Variants in SYT13 observed in about 807,000 individuals in gnomAD.
The protein encoded by SYT13 is synaptotagmin-13.
SYT13 carries 21 observed loss-of-function variants against 38.6 expected under a neutral mutation model. The observed-to-expected ratio is 0.54, with a 90% confidence interval of 0.39 to 0.78. The LOEUF is 0.78. Among genes scored for constraint, SYT13 ranks in the 30% least tolerant of loss-of-function variants. SYT13 has a pLI of 0.00. For synonymous variants in SYT13, 241 were observed against 237.6 expected (o/e 1.01, Z -0.13); for missense variants, 495 against 548.7 (o/e 0.90, Z 0.98).
chr11:45,274,733 T>C (rs1432909342), intron 1 of SYT13, among the ~76,000 whole-genome samples: 2 of 152,226 alleles, frequency 1.3e-5, no homozygotes, highest in African/African-American at 4.8e-5. Context: ...CACCATCTTT[T>C]CCAAAACATC....
chr11:45,279,851 G>A (rs986150079), intron 1 of SYT13, among the ~76,000 whole-genome samples: 1 of 152,080 alleles, frequency 6.6e-6, no homozygotes, highest in African/African-American at 2.4e-5. Context: ...CAGGAGTGGG[G>A]TTAGCAATTC....
chr11:45,247,623 C>T (rs995805814), intron 4 of SYT13, among the ~76,000 whole-genome samples: 2 of 152,224 alleles, frequency 1.3e-5, no homozygotes, highest in Non-Finnish European at 2.9e-5. Context: ...TCCTCCCCTT[C>T]TGTCACACCC....
chr11:45,265,001 G>A (rs957042906), intron 1 of SYT13, among the ~76,000 whole-genome samples: 2 of 152,172 alleles, frequency 1.3e-5, no homozygotes, highest in Admixed American at 6.5e-5. Flanking sequence ...ATTTATCCAA[G>A]AGAAAGGAAA....
chr11:45,247,109 G>A (rs552950524), intron 4 of SYT13, among the ~76,000 whole-genome samples: 3 of 152,338 alleles, frequency 2.0e-5, no homozygotes, highest in Admixed American at 6.5e-5. Context: ...TGAAGGAGGT[G>A]CTGATGCCCC....
chr11:45,261,786 G>A lies in SYT13; in HGVS notation c.184-5895C>T, dbSNP rs371902753. Among the ~76,000 whole-genome samples, 8 of 151,506 alleles carry A rather than the reference G, an allele frequency of 5.3e-5. No homozygotes were observed. In the South Asian group the frequency reaches 8.4e-4, roughly 16 times the overall value. On this transcript the variant is annotated intron_variant, in intron 1 of 5. Transcript: ENST00000020926. ...CAAAAATCAGCCCGGGCTTTGTGGTGCACACCTGTATCACAGCTACTTGGG... is the reference window on the plus strand; with the variant it reads ...CAAAAATCAGCCCGGGCTTTGTGGTACACACCTGTATCACAGCTACTTGGG...
intron 1 of SYT13, among the ~76,000 whole-genome samples, chr11:45,265,110 A>G (rs1056788819): frequency 6.6e-6 from 1 of 152,248 alleles, no homozygotes; most frequent in African/African-American, 2.4e-5. Context: ...CAACAGGACA[A>G]TGGAGAAGTC....
At chr11:45,282,256 C>T (rs769354937) in intron 1 of SYT13, among the ~76,000 whole-genome samples, 6 of 152,190 alleles carry the variant, frequency 3.9e-5, no homozygotes, top group East Asian at 3.9e-4. Context: ...CAGGAGTGGG[C>T]GGCGTAGTAA....
intron 1 of SYT13, among the ~76,000 whole-genome samples, chr11:45,272,385 T>A (rs1854960168): frequency 6.6e-6 from 1 of 152,218 alleles, no homozygotes; most frequent in African/African-American, 2.4e-5. Flanking sequence ...CCCCTGTGTG[T>A]CACTGGATGT....
chr11:45,244,252 T>C lies in SYT13; in HGVS notation c.1081A>G (p.Met361Val), dbSNP rs753032040. 5.0e-6 allele frequency: 8 copies of C among 1,613,910 alleles called. No individual in the cohort carries two copies. In the East Asian group the frequency reaches 1.1e-4, roughly 22 times the overall value. Residue 361 changes from methionine (M) to valine (V), a missense_variant, in exon 6 of 6, where the codon ATG becomes GTG. Transcript: ENST00000020926. ...AGCAGGTCGTCAGGCAGCTCAAACA[T>C]GATCATCTCGTTCCACACGGGGTTG... ...KINPVWNEMI[M>V]FELPDDLLQA...
In SYT13 at chr11:45,252,975, A is replaced by G. The variant is rs1219412051; in HGVS notation, c.545-253T>C. Among the ~76,000 whole-genome samples, 2 of 152,174 alleles carry G rather than the reference A, an allele frequency of 1.3e-5. No individual in the cohort carries two copies. The highest frequency in any genetic ancestry group is 2.9e-5 in the Non-Finnish European group (2 of 68,030). On this transcript the variant is annotated intron_variant, in intron 3 of 5. Transcript: ENST00000020926. This position sits in a 1 kb window ranked among gnomAD's most constrained non-coding sequence, Gnocchi z 4.3. The stretch of plus-strand genomic sequence containing the variant: ...AGGGACAAGACTTGGCATTTCCTGG[A>G]GCCCTCTGAACTCCGGATTCTGAAA...
In SYT13 at chr11:45,246,393, G is replaced by A; in HGVS notation, c.966C>T (p.Leu322=). 6.2e-7 allele frequency: 1 copy of A among 1,613,824 alleles called. No individual in the cohort carries two copies. The part of the protein sequence containing the change: ...KNLHSNQSKE[L]LGKDVSVKVT... Reference sequence around the variant, plus strand: ...TCACATCTCACTCACCCTTCCCCAGGAGCTCCTTGGACTGGTTAGAGTGGA... The same window carrying A: ...TCACATCTCACTCACCCTTCCCCAGAAGCTCCTTGGACTGGTTAGAGTGGA... The change falls in exon 5 of 6, where the codon CTC becomes CTT. Residue 322 remains leucine (L), a synonymous_variant. Coordinates refer to ENST00000020926, the MANE Select transcript of SYT13 (RefSeq NM_020826.3).
At chr11:45,266,006 G>A (rs1361401849) in intron 1 of SYT13, among the ~76,000 whole-genome samples, 1 of 152,150 alleles carries the variant, frequency 6.6e-6, no homozygotes, top group Non-Finnish European at 1.5e-5. Context: ...AATTCATTAA[G>A]CTGTAAACTT....
chr11:45,245,983 G>T (rs1197098677), intron 5 of SYT13, among the ~76,000 whole-genome samples: 1 of 152,210 alleles, frequency 6.6e-6, no homozygotes, highest in Non-Finnish European at 1.5e-5. Flanking sequence ...GGTGGGTCCA[G>T]CCAGGTGTGG....
At chr11:45,258,983 C>G (rs1854784090) in intron 1 of SYT13, among the ~76,000 whole-genome samples, 1 of 152,214 alleles carries the variant, frequency 6.6e-6, no homozygotes, top group African/African-American at 2.4e-5. Context: ...GATCATACAA[C>G]TGACAAGTGG....
Position 45,255,801 on chromosome 11 carries a change from G to C in SYT13, c.274C>G (p.Pro92Ala), listed in dbSNP as rs1486663754. 1 of 1,614,186 alleles carries C rather than the reference G, an allele frequency of 6.2e-7. No homozygotes were observed. Among genetic ancestry groups the C allele is most frequent in the Non-Finnish European group, 8.5e-7 (1 of 1,180,046 alleles). ...IYGPRPAVTAPEVINYADYSL... is the reference protein window; with the variant it reads ...IYGPRPAVTAAEVINYADYSL... Reference sequence around the variant, plus strand: ...TAGTCTGCATAGTTGATGACCTCTGGAGCCGTCACAGCTGGCCTGGGTCCA... The same window carrying C: ...TAGTCTGCATAGTTGATGACCTCTGCAGCCGTCACAGCTGGCCTGGGTCCA... Residue 92 changes from proline to alanine, a missense_variant, in exon 2 of 6, where the codon CCA (proline) becomes GCA (alanine). By Grantham distance (27) the Pro-to-Ala change is conservative. Transcript: ENST00000020926.
In SYT13 at chr11:45,254,517, G is replaced by T. The variant is rs368052128; in HGVS notation, c.410-113C>A. The T allele has an allele frequency of 2.7e-6, 4 of 1,456,864 alleles. No individual in the cohort carries two copies. The South Asian group carries it at 4.2e-5, about 15-fold the overall frequency. 90.2% of individuals were successfully genotyped at this position (1,456,864 alleles called of 1,614,324 possible). A position where few individuals can be genotyped will look rare whatever the true frequency, so the allele number is the denominator to read the frequency against. On this transcript the variant is annotated intron_variant, in intron 2 of 5. Transcript: ENST00000020926. ...AGGAACCCAAACCCAAGTCTTCCCAGCTGTGTGCAGAATCACAGTGGCCAC... is the reference window on the plus strand; with the variant it reads ...AGGAACCCAAACCCAAGTCTTCCCATCTGTGTGCAGAATCACAGTGGCCAC...
Position 45,251,386 on chromosome 11 carries a change from T to TAAAAA in SYT13, c.846+1030_846+1034dup, listed in dbSNP as rs10649998. ...CCTGGCAACAGAGCGAGACTCTGTC[T>TAAAAA]AAAAAAAAAAAAAAAAAAAAAAAAT... is the stretch of plus-strand genomic sequence containing the variant. On this transcript the variant is annotated intron_variant, in intron 4 of 5. Coordinates refer to ENST00000020926, the MANE Select transcript of SYT13 (RefSeq NM_020826.3). Among the ~76,000 whole-genome samples the TAAAAA allele has an allele frequency of 1.6e-3, 119 of 75,336 alleles. 4 individuals are homozygous for TAAAAA. The highest frequency in any genetic ancestry group is 3.0e-3 in the African/African-American group (52 of 17,336). 49.4% of individuals were successfully genotyped at this position (75,336 alleles called of 152,430 possible). A position where few individuals can be genotyped will look rare whatever the true frequency, so the allele number is the denominator to read the frequency against.
At chr11:45,260,801 C>G (rs1375544564) in intron 1 of SYT13, among the ~76,000 whole-genome samples, 3 of 152,186 alleles carry the variant, frequency 2.0e-5, no homozygotes, top group Admixed American at 1.3e-4. Flanking sequence ...CCTCACCTGT[C>G]CCTGGGACCT....
intron 1 of SYT13, among the ~76,000 whole-genome samples, chr11:45,285,513 T>C (rs1855123776): frequency 6.6e-6 from 1 of 152,106 alleles, no homozygotes; most frequent in African/African-American, 2.4e-5. Flanking sequence ...ACCTCCCCTC[T>C]GGCTTTGCAG....
Sources: gnomAD v4.1 joint callset for allele counts (sites outside exome capture counted in the v4.1 genomes callset) on GRCh38, gnomAD v4.1.1 for gene constraint, Gnocchi (gnomAD v3.1) non-coding constraint, MANE v1.5 for transcripts, NCBI Gene and HGNC (gene_info 2026-07-23, HGNC 2026-07-21) for gene names.